The following HNF4G variants were observed in gnomAD, a reference collection of about 807,000 sequenced individuals.
The protein encoded by HNF4G is hepatocyte nuclear factor 4-gamma.
HNF4G carries 21 observed loss-of-function variants against 50.9 expected under a neutral mutation model. That is an observed-to-expected ratio of 0.41 (90% CI 0.29 to 0.59). HNF4G has a LOEUF of 0.59. Among genes scored for constraint, HNF4G ranks in the 20% least tolerant of loss-of-function variants. The pLI is 0.26. For missense variants in HNF4G, 527 were observed against 559.4 expected (o/e 0.94, Z 0.58); for synonymous variants, 198 against 185.6 (o/e 1.07, Z -0.54).
chr8:75,520,409 C>T (rs969346203), intron 2 of HNF4G, among the ~76,000 whole-genome samples: 4 of 151,322 alleles, frequency 2.6e-5, no homozygotes, highest in Non-Finnish European at 5.9e-5. Context: ...ATTTTACTTT[C>T]TTTCTCGTTC....
At chr8:75,426,132 G>A (rs1405974965) in intron 1 of HNF4G, among the ~76,000 whole-genome samples, 2 of 152,022 alleles carry the variant, frequency 1.3e-5, no homozygotes, top group Non-Finnish European at 2.9e-5. Flanking sequence ...CTTTCTTTCC[G>A]TATAAGCTTA....
At chr8:75,506,991 A>G (rs945261096) in intron 2 of HNF4G, among the ~76,000 whole-genome samples, 2 of 152,216 alleles carry the variant, frequency 1.3e-5, no homozygotes, top group Non-Finnish European at 2.9e-5. Flanking sequence ...GGGCCTAAAA[A>G]TGTTATAGGT....
intron 1 of HNF4G, among the ~76,000 whole-genome samples, chr8:75,448,460 C>A (rs1457530159): frequency 8.0e-4 from 36 of 44,854 alleles, no homozygotes; most frequent in African/African-American, 9.1e-4. Context: ...AGACATGATA[C>A]AAGATGATTT....
At chr8:75,552,029 A>C (rs907770944) in intron 4 of HNF4G, among the ~76,000 whole-genome samples, 3 of 152,216 alleles carry the variant, frequency 2.0e-5, no homozygotes, top group African/African-American at 7.2e-5. Flanking sequence ...ATAAGTCATT[A>C]GTTATATACA....
At chr8:75,441,395 G>A (rs141700462) in intron 1 of HNF4G, among the ~76,000 whole-genome samples, 13 of 151,964 alleles carry the variant, frequency 8.6e-5, no homozygotes, top group East Asian at 1.9e-4. Context: ...GCAGGTGTGC[G>A]CCACCACACC....
At chr8:75,490,588 T>C (rs374423247) in intron 2 of HNF4G, among the ~76,000 whole-genome samples, 18 of 152,316 alleles carry the variant, frequency 1.2e-4, no homozygotes, top group African/African-American at 3.6e-4. Context: ...AGAGTTTCTA[T>C]TAATAAAAAC....
intron 2 of HNF4G, among the ~76,000 whole-genome samples, chr8:75,531,102 CT>C (rs1253192818): frequency 6.6e-6 from 1 of 151,928 alleles, no homozygotes; most frequent in African/African-American, 2.4e-5. Flanking sequence ...CCTCAATGTG[CT>C]TTTTGTTTTT....
chr8:75,521,582 G>T (rs1806042850), intron 2 of HNF4G, among the ~76,000 whole-genome samples: 1 of 152,048 alleles, frequency 6.6e-6, no homozygotes, highest in African/African-American at 2.4e-5. Flanking sequence ...TAATAGTCCT[G>T]AATTCTGGTT....
intron 1 of HNF4G, among the ~76,000 whole-genome samples, chr8:75,542,377 T>C (rs1806647760): frequency 6.6e-6 from 1 of 151,842 alleles, no homozygotes; most frequent in South Asian, 2.1e-4. Context: ...AGGTGACATT[T>C]TTAAATGTGT....
chr8:75,414,947 A>G (rs936443808), intron 1 of HNF4G, among the ~76,000 whole-genome samples: 1 of 152,156 alleles, frequency 6.6e-6, no homozygotes, highest in African/African-American at 2.4e-5. Flanking sequence ...AGAATTACCA[A>G]TCTGGTTTCC....
intron 1 of HNF4G, among the ~76,000 whole-genome samples, chr8:75,436,034 T>A (rs1274436915): frequency 6.6e-6 from 1 of 151,914 alleles, no homozygotes; most frequent in African/African-American, 2.4e-5. Context: ...CTGTTGCTAC[T>A]GTCTTAACTT....
At chr8:75,412,754 T>C (rs887138935) in intron 1 of HNF4G, among the ~76,000 whole-genome samples, 6 of 152,052 alleles carry the variant, frequency 3.9e-5, no homozygotes, top group African/African-American at 1.5e-4. Flanking sequence ...TCAGACATCA[T>C]AGTTACAGGT....
intron 1 of HNF4G, among the ~76,000 whole-genome samples, chr8:75,448,307 T>G (rs1811477410): frequency 8.4e-6 from 1 of 118,586 alleles, no homozygotes; most frequent in Non-Finnish European, 1.8e-5. Flanking sequence ...GGGGGAGGGA[T>G]ATCATTGGGA....
intron 2 of HNF4G, among the ~76,000 whole-genome samples, chr8:75,502,612 T>C (rs563024287): frequency 3.1e-4 from 47 of 152,198 alleles, no homozygotes; most frequent in African/African-American, 5.8e-4. Context: ...AATGTAATAC[T>C]ACTCTTACCA....
intron 1 of HNF4G, among the ~76,000 whole-genome samples, chr8:75,458,054 T>C (rs1490439046): frequency 6.6e-6 from 1 of 152,050 alleles, no homozygotes; most frequent in East Asian, 1.9e-4. Context: ...AAGAGATCCT[T>C]TCACTTCCAA....
At chr8:75,423,127 A>G (rs1022050254) in intron 1 of HNF4G, among the ~76,000 whole-genome samples, 1 of 151,998 alleles carries the variant, frequency 6.6e-6, no homozygotes, top group African/African-American at 2.4e-5. Context: ...AACTTGTACC[A>G]AACTATACAT....
chr8:75,526,232 G>T (rs1238996245), intron 2 of HNF4G, among the ~76,000 whole-genome samples: 1 of 151,220 alleles, frequency 6.6e-6, no homozygotes, highest in East Asian at 2.0e-4. Flanking sequence ...AGGCTCAATC[G>T]ATCTTCTCAC....
intron 6 of HNF4G, 76 bp from the exon 7 acceptor site, chr8:75,558,442 A>C (rs1807194960): frequency 7.2e-7 from 1 of 1,384,582 alleles, no homozygotes; most frequent in East Asian, 2.3e-5. Flanking sequence ...CGGTTTGTTA[A>C]ATTTTAAACA....
chr8:75,514,359 T>C (rs1319861104), intron 2 of HNF4G, among the ~76,000 whole-genome samples: 2 of 149,254 alleles, frequency 1.3e-5, no homozygotes, highest in African/African-American at 4.9e-5. Context: ...TCTTTCTTTT[T>C]TTTTTTCTTT....
Sources: allele counts gnomAD v4.1 joint callset (sites outside exome capture counted in the v4.1 genomes callset), GRCh38; gene constraint gnomAD v4.1.1; transcripts MANE v1.5; gene names NCBI Gene and HGNC (gene_info 2026-07-23, HGNC 2026-07-21).